The following BCAS3 variants were observed in gnomAD, a reference collection of about 807,000 sequenced individuals.
BCAS3 encodes BCAS3 microtubule associated cell migration factor.
BCAS3 carries 53 observed loss-of-function variants against 116.1 expected under a neutral mutation model. The ratio of observed to expected loss-of-function variants is 0.46; its 90% confidence interval spans 0.37 to 0.57. BCAS3 has a LOEUF of 0.57. BCAS3 is among the 20% of genes least tolerant of loss of function. BCAS3 has a pLI of 0.00. For synonymous variants in BCAS3, 391 were observed against 408.2 expected (o/e 0.96, Z 0.51); for missense variants, 917 against 1,165.4 (o/e 0.79, Z 3.10).
At position 60,689,721 on chromosome 17, in the gene BCAS3, G is replaced by T; in HGVS notation, c.174G>T (p.Glu58Asp). The T allele has an allele frequency of 1.2e-6, 2 of 1,609,202 alleles. No homozygotes were observed. Among genetic ancestry groups the T allele is most frequent in the Non-Finnish European group, 1.7e-6 (2 of 1,175,922 alleles). ...YSGTPLTEEK[E>D]KIVWVRFENA... is the part of the protein sequence containing the mutation. ...GAACACCTCTAACAGAAGAAAAGGA[G>T]AAAATAGTCTGGGTCAGATTTGAAA... is the stretch of plus-strand genomic sequence containing the variant. Residue 58 changes from glutamate (E) to aspartate (D), a missense_variant, in exon 4 of 24, where the codon GAG (glutamate) becomes GAT (aspartate). By Grantham distance (45) the Glu-to-Asp change is conservative (BLOSUM62 2). Around this residue, in one of 3 missense-constraint regions of BCAS3, gnomAD observed 807 missense variants for 1,026.0 expected, o/e 0.79. Transcript: ENST00000407086.
chr17:61,201,063 C>T (rs1234222065), intron 22 of BCAS3, among the ~76,000 whole-genome samples: 1 of 151,964 alleles, frequency 6.6e-6, no homozygotes, highest in African/African-American at 2.4e-5. Context: ...TCTTTTCATT[C>T]CATAAAAATT....
At chr17:60,742,426 CT>C (rs1173664552) in intron 5 of BCAS3, among the ~76,000 whole-genome samples, 1,681 of 103,480 alleles carry the variant, frequency 0.016, 15 homozygotes, top group African/African-American at 0.055. Flanking sequence ...TCCTTGACAT[CT>C]TTTTTTTTTT....
rs527358885 is a variant in BCAS3, at chr17:61,189,931, G to A, written c.2425+105367G>A. Among the ~76,000 whole-genome samples, 4 of 152,166 alleles carry A rather than the reference G, an allele frequency of 2.6e-5. No individual in the cohort carries two copies. Among genetic ancestry groups the A allele is most frequent in the African/African-American group, 4.8e-5 (2 of 41,440 alleles). ...GAAAGTATGCAGAGTGAGAAAAATCGTGGGTCTAAGGACATGCCCTGAAAA... is the reference window on the plus strand; with the variant it reads ...GAAAGTATGCAGAGTGAGAAAAATCATGGGTCTAAGGACATGCCCTGAAAA... On this transcript the variant is annotated intron_variant, in intron 22 of 23. Coordinates refer to ENST00000407086, the MANE Select transcript of BCAS3 (RefSeq NM_017679.5). The surrounding 1 kb of genome is among the most constrained non-coding windows in gnomAD (Gnocchi z 4.5).
chr17:61,315,453 C>A lies in BCAS3; in HGVS notation c.2426-52874C>A, dbSNP rs1197033000. ...CTGTTCTGAGACACGGGAGGGCATG[C>A]AGAGCAGTCTCGGAGCGGACGCTAG... On this transcript the variant is annotated intron_variant, in intron 22 of 23. Transcript: ENST00000407086. This position sits in a 1 kb window ranked among gnomAD's most constrained non-coding sequence, Gnocchi z 5.3. Among the ~76,000 whole-genome samples, 3 of 152,176 alleles carry A rather than the reference C, an allele frequency of 2.0e-5. No homozygotes were observed. Among genetic ancestry groups the A allele is most frequent in the Non-Finnish European group, 4.4e-5 (3 of 68,034 alleles).
chr17:60,806,773 C>T (rs2048322950), intron 6 of BCAS3, among the ~76,000 whole-genome samples: 1 of 152,088 alleles, frequency 6.6e-6, no homozygotes, highest in Non-Finnish European at 1.5e-5. Flanking sequence ...TCAAGTGATC[C>T]TCCTGCCTCC....
intron 9 of BCAS3, chr17:60,887,021 A>G: frequency 6.4e-6 from 1 of 156,460 alleles, no homozygotes; most frequent in Non-Finnish European, 1.4e-5. Context: ...AGCCTGGGCA[A>G]TGGCGGGCGC....
chr17:60,679,244 C>T (rs981395726), intron 1 of BCAS3, among the ~76,000 whole-genome samples: 1 of 152,034 alleles, frequency 6.6e-6, no homozygotes, highest in African/African-American at 2.4e-5. Context: ...AATAACCCCC[C>T]AAACCCCTCA....
At chr17:61,209,676 A>G (rs1446443776) in intron 22 of BCAS3, among the ~76,000 whole-genome samples, 1 of 152,218 alleles carries the variant, frequency 6.6e-6, no homozygotes, top group Non-Finnish European at 1.5e-5. Flanking sequence ...CCAAAGTGAC[A>G]AAAAGAAGAC....
chr17:61,239,352 A>G lies in BCAS3; in HGVS notation c.2426-128975A>G, dbSNP rs1011816883. On this transcript the variant is annotated intron_variant, in intron 22 of 23. Transcript: ENST00000407086. The surrounding 1 kb of genome is among the most constrained non-coding windows in gnomAD (Gnocchi z 4.2). ...AAGAGGAAAGCCTGAGTTTGAAATA[A>G]TGATTAGCTCTACAGATTTTCAGCT... Among the ~76,000 whole-genome samples, 1 of 152,254 alleles carries G rather than the reference A, an allele frequency of 6.6e-6. No individual in the cohort carries two copies. The highest frequency in any genetic ancestry group is 1.5e-5 in the Non-Finnish European group (1 of 68,046).
chr17:61,392,226 C>A lies in BCAS3; in HGVS notation c.*101C>A. ...CCTTCAGTCTCTGCTCTTCCTTCATCAACCACCTTCCCCAAGCTTAGTGAC... is the reference window on the plus strand; with the variant it reads ...CCTTCAGTCTCTGCTCTTCCTTCATAAACCACCTTCCCCAAGCTTAGTGAC... On this transcript the variant is annotated 3_prime_UTR_variant, in exon 24 of 24. Transcript: ENST00000407086. The surrounding 1 kb of genome is among the most constrained non-coding windows in gnomAD (Gnocchi z 6.4). 7.2e-7 allele frequency: 1 copy of A among 1,380,192 alleles called. No homozygotes were observed. Among genetic ancestry groups the A allele is most frequent in the Non-Finnish European group, 9.8e-7 (1 of 1,016,512 alleles). 85.5% of individuals were successfully genotyped at this position (1,380,192 alleles called of 1,614,324 possible). A position where few individuals can be genotyped will look rare whatever the true frequency, so the allele number is the denominator to read the frequency against.
At chr17:60,772,213 A>G (rs1398783103) in intron 6 of BCAS3, among the ~76,000 whole-genome samples, 17 of 152,022 alleles carry the variant, frequency 1.1e-4, no homozygotes, top group Admixed American at 1.1e-3. Context: ...CCTCTCCAGC[A>G]CCTGTTGTTT....
intron 6 of BCAS3, among the ~76,000 whole-genome samples, chr17:60,790,181 C>T (rs910117833): frequency 6.6e-6 from 1 of 152,108 alleles, no homozygotes; most frequent in Non-Finnish European, 1.5e-5. Flanking sequence ...ATCTAGAGAG[C>T]AAAGTTTGCT....
rs925444515 is a variant in BCAS3 at position 61,315,132 on chromosome 17, G to A, written c.2426-53195G>A. ...ACTCCCTTTTCTTTTTCTTTTTTTC[G>A]CGAGACAGATTCTCGCTCTGTCACC... On this transcript the variant is annotated intron_variant, in intron 22 of 23. Coordinates refer to ENST00000407086, the MANE Select transcript of BCAS3 (RefSeq NM_017679.5). The surrounding 1 kb of genome is among the most constrained non-coding windows in gnomAD (Gnocchi z 5.3). Among the ~76,000 whole-genome samples, 2 of 151,298 alleles carry A rather than the reference G, an allele frequency of 1.3e-5. No individual in the cohort carries two copies. Among genetic ancestry groups the A allele is most frequent in the African/African-American group, 2.4e-5 (1 of 41,150 alleles).
chr17:60,727,559 G>C, intron 5 of BCAS3: 2 of 1,092,906 alleles, frequency 1.8e-6, no homozygotes, highest in Non-Finnish European at 2.6e-6. Context: ...CAAAGCTCTC[G>C]CCTGACAGGA....
At position 61,131,139 on chromosome 17, in the gene BCAS3, G is replaced by A. The variant is rs1382315598; in HGVS notation, c.2425+46575G>A. Reference sequence around the variant, plus strand: ...ACCTAGCTAGGTTGACCTTTAACAAGTCTATTTAACTTTTTCTTAGGTTAT... The same window carrying A: ...ACCTAGCTAGGTTGACCTTTAACAAATCTATTTAACTTTTTCTTAGGTTAT... On this transcript the variant is annotated intron_variant, in intron 22 of 23. Coordinates refer to ENST00000407086, the MANE Select transcript of BCAS3 (RefSeq NM_017679.5). This position sits in a 1 kb window ranked among gnomAD's most constrained non-coding sequence, Gnocchi z 4.4. Among the ~76,000 whole-genome samples the A allele has an allele frequency of 6.6e-6, 1 of 152,076 alleles. No individual in the cohort carries two copies. The highest frequency in any genetic ancestry group is 1.5e-5 in the Non-Finnish European group (1 of 68,014).
chr17:60,714,789 G>C (rs1306359373), intron 5 of BCAS3, among the ~76,000 whole-genome samples: 1 of 152,146 alleles, frequency 6.6e-6, no homozygotes, highest in African/African-American at 2.4e-5. Flanking sequence ...TTATTAATTA[G>C]AGTCAGCTCA....
At chr17:60,696,277 A>C (rs1269201244) in intron 4 of BCAS3, 1 of 152,252 alleles carries the variant, frequency 6.6e-6, no homozygotes, top group African/African-American at 2.4e-5. Flanking sequence ...ACAGAGTAGA[A>C]AGTGTGTGAG....
intron 22 of BCAS3, among the ~76,000 whole-genome samples, chr17:61,183,474 T>G (rs1242554288): frequency 1.3e-5 from 2 of 152,174 alleles, no homozygotes; most frequent in Non-Finnish European, 2.9e-5. Flanking sequence ...AGCTAAGCAT[T>G]GTACAAAGGA....
In BCAS3 at chr17:61,045,975, TA is replaced by T. The variant is rs1395845332; in HGVS notation, c.2029+5084del. Reference sequence around the variant, plus strand: ...TATAAATATATATATAATATATATATATTATATATATATTTATATATATATA... The same window carrying T: ...TATAAATATATATATAATATATATATTTATATATATATTTATATATATATA... On this transcript the variant is annotated intron_variant, in intron 19 of 23. Coordinates refer to ENST00000407086, the MANE Select transcript of BCAS3 (RefSeq NM_017679.5). 7.6e-4 allele frequency among the ~76,000 whole-genome samples: 8 copies of T among 10,544 alleles called. 1 individual carries two copies. Among genetic ancestry groups the T allele is most frequent in the Non-Finnish European group, 9.9e-4 (8 of 8,060 alleles). The allele number at this position is 10,544 out of a possible 152,430, so 6.9% of individuals were successfully genotyped here.
Sources: gnomAD v4.1 joint callset for allele counts (sites outside exome capture counted in the v4.1 genomes callset) on GRCh38, gnomAD v4.1.1 for gene constraint, gnomAD v4.1.1 regional missense constraint, Gnocchi (gnomAD v3.1) non-coding constraint, MANE v1.5 for transcripts, NCBI Gene and HGNC (gene_info 2026-07-23, HGNC 2026-07-21) for gene names.